The following LITAF variants were observed in gnomAD, a reference collection of about 807,000 sequenced individuals.
LITAF encodes the protein lipopolysaccharide-induced tumor necrosis factor-alpha factor.
Under a neutral mutation model 14.5 loss-of-function variants are expected in LITAF, and 9 were observed. That is an observed-to-expected ratio of 0.62 (90% CI 0.37 to 1.08). The LOEUF is 1.08. Ranked by LOEUF, LITAF falls within the 50% of genes least tolerant of loss-of-function variation. LITAF has a pLI of 0.01. For missense variants in LITAF, 206 were observed against 213.4 expected (o/e 0.97, Z 0.22); for synonymous variants, 98 against 88.2 (o/e 1.11, Z -0.62).
At chr16:11,569,525 T>A (rs911073663) in intron 1 of LITAF, among the ~76,000 whole-genome samples, 3 of 152,040 alleles carry the variant, frequency 2.0e-5, no homozygotes, top group Non-Finnish European at 4.4e-5. Flanking sequence ...TAAATCAAGA[T>A]AACTTAACAT....
intron 3 of LITAF, among the ~76,000 whole-genome samples, chr16:11,625,263 A>AC (rs894344583): frequency 3.2e-5 from 4 of 126,098 alleles, no homozygotes; most frequent in Admixed American, 2.3e-4. Flanking sequence ...CCTCCCAAAA[A>AC]CCTTTTTTTT....
intron 3 of LITAF, among the ~76,000 whole-genome samples, chr16:11,603,832 C>T (rs542433864): frequency 2.6e-5 from 4 of 151,976 alleles, no homozygotes; most frequent in African/African-American, 9.7e-5. Flanking sequence ...ATCACAAGGT[C>T]GGGAGATCGA....
In LITAF at chr16:11,560,170, G is replaced by A. The variant is rs184611879; in HGVS notation, c.-5-3435C>T. 5.4e-4 allele frequency among the ~76,000 whole-genome samples: 81 copies of A among 151,248 alleles called. 1 individual carries two copies. The East Asian group carries it at 0.012, about 23-fold the overall frequency. On this transcript the variant is annotated intron_variant, in intron 1 of 3. Coordinates refer to ENST00000622633, the MANE Select transcript of LITAF (RefSeq NM_001136472.2). ...AAATTAGCCAGGTGTGATATTGGGC[G>A]CCTGTAATCCCAGCTACTCAGGAGG...
At chr16:11,582,319 GAAAAAAA>G (rs35892278) in intron 1 of LITAF, among the ~76,000 whole-genome samples, 1 of 100,092 alleles carries the variant, frequency 1.0e-5, no homozygotes, top group African/African-American at 3.4e-5. Flanking sequence ...ACTCACAACG[GAAAAAAA>G]AAAAAAAAAA....
At chr16:11,599,643 C>T (rs1033885786), upstream of LITAF, among the ~76,000 whole-genome samples, 1 of 152,162 alleles carries the variant, frequency 6.6e-6, no homozygotes, top group African/African-American at 2.4e-5. Context: ...TCCCCAAAGC[C>T]CAGAGAGGCG....
upstream of LITAF, chr16:11,587,393 C>T (rs2064820138): frequency 2.2e-6 from 1 of 453,876 alleles, no homozygotes; most frequent in Non-Finnish European, 4.4e-6. Flanking sequence ...CGGCCCTTCT[C>T]TTCCTGTAAC....
intron 3 of LITAF, chr16:11,551,704 C>T (rs1227172084): frequency 1.5e-6 from 1 of 659,862 alleles, no homozygotes; most frequent in East Asian, 2.8e-5. Context: ...TGGTGGCACA[C>T]ACCTGTGGTC....
intron 1 of LITAF, among the ~76,000 whole-genome samples, chr16:11,560,549 C>T (rs542550581): frequency 2.5e-4 from 37 of 150,832 alleles, no homozygotes; most frequent in African/African-American, 8.8e-4. Flanking sequence ...CACCACTGCA[C>T]TCCAGCCTGG....
chr16:11,566,344 G>A (rs1387260573), intron 1 of LITAF, among the ~76,000 whole-genome samples: 2 of 152,158 alleles, frequency 1.3e-5, no homozygotes, highest in African/African-American at 4.8e-5. Flanking sequence ...AGGACTTTTG[G>A]TGCTAAATCT....
At position 11,557,264 on chromosome 16, in the gene LITAF, C is replaced by A. The variant is rs1043256823; in HGVS notation, c.-5-529G>T. ...AGGTCAGAAATAGGCAAAATGAATCCATGGAGCGGTTACTCTTGGAAGAGG... is the reference window on the plus strand; with the variant it reads ...AGGTCAGAAATAGGCAAAATGAATCAATGGAGCGGTTACTCTTGGAAGAGG... On this transcript the variant is annotated intron_variant, in intron 1 of 3. Coordinates refer to ENST00000622633, the MANE Select transcript of LITAF (RefSeq NM_001136472.2). 2.0e-5 allele frequency among the ~76,000 whole-genome samples: 3 copies of A among 150,662 alleles called. No individual in the cohort carries two copies. In the East Asian group the frequency reaches 5.8e-4, roughly 29 times the overall value.
chr16:11,559,742 C>T (rs1289267432), intron 1 of LITAF, among the ~76,000 whole-genome samples: 1 of 150,952 alleles, frequency 6.6e-6, no homozygotes, highest in Non-Finnish European at 1.5e-5. Context: ...CACCTGTCAT[C>T]CCAGCACTTT....
intron 3 of LITAF, among the ~76,000 whole-genome samples, chr16:11,612,942 A>G (rs1268539248): frequency 6.6e-6 from 1 of 152,202 alleles, no homozygotes; most frequent in Non-Finnish European, 1.5e-5. Context: ...AAAAGCTGTC[A>G]TCTTGGGGCA....
upstream of LITAF, among the ~76,000 whole-genome samples, chr16:11,636,756 C>T (rs375065452): frequency 7.2e-5 from 11 of 152,232 alleles, no homozygotes; most frequent in East Asian, 1.2e-3. Flanking sequence ...GTCTGCAGCT[C>T]GATTTTCCAG....
At chr16:11,577,478 C>T (rs1044226154) in intron 1 of LITAF, among the ~76,000 whole-genome samples, 2 of 152,020 alleles carry the variant, frequency 1.3e-5, no homozygotes, top group Admixed American at 6.6e-5. Flanking sequence ...CCACCACGCC[C>T]GGCTAGTTTT....
chr16:11,577,638 C>G (rs1344232934), intron 1 of LITAF, among the ~76,000 whole-genome samples: 1 of 151,978 alleles, frequency 6.6e-6, no homozygotes, highest in Non-Finnish European at 1.5e-5. Flanking sequence ...ATTTTTTAAA[C>G]AAGAAAAGAC....
At chr16:11,561,841 T>C (rs2064371575) in intron 1 of LITAF, among the ~76,000 whole-genome samples, 2 of 120,344 alleles carry the variant, frequency 1.7e-5, no homozygotes, top group South Asian at 6.0e-4. Context: ...TACGAAACTC[T>C]TAGAACAGCA....
upstream of LITAF, among the ~76,000 whole-genome samples, chr16:11,588,004 A>G (rs965711335): frequency 6.6e-6 from 1 of 152,110 alleles, no homozygotes; most frequent in Non-Finnish European, 1.5e-5. Context: ...TGAGGCCCAG[A>G]TAGGGAGTGT....
intron 3 of LITAF, among the ~76,000 whole-genome samples, chr16:11,611,842 T>C (rs1440590795): frequency 6.6e-6 from 1 of 152,042 alleles, no homozygotes; most frequent in African/African-American, 2.4e-5. Context: ...TTTTTGTATT[T>C]TTAGTAGAAA....
upstream of LITAF, among the ~76,000 whole-genome samples, chr16:11,637,585 G>A (rs72781065): frequency 0.21 from 32,484 of 152,146 alleles, 3,651 homozygotes; most frequent in Non-Finnish European, 0.26. Flanking sequence ...CACACAGCAC[G>A]TGCACAAGCC....
Sources: gnomAD v4.1 joint callset for allele counts (sites outside exome capture counted in the v4.1 genomes callset) on GRCh38, gnomAD v4.1.1 for gene constraint, MANE v1.5 for transcripts, NCBI Gene and HGNC (gene_info 2026-07-23, HGNC 2026-07-21) for gene names.